ANGPT1: variants seen among roughly 807,000 people sequenced by gnomAD.
ANGPT1 encodes the protein angiopoietin-1.
ANGPT1 carries 17 observed loss-of-function variants against 62.2 expected under a neutral mutation model. The ratio of observed to expected loss-of-function variants is 0.27; its 90% CI spans 0.19 to 0.41. The LOEUF (loss-of-function observed/expected upper bound fraction) is 0.41. Among genes scored for constraint, ANGPT1 ranks in the 10% least tolerant of loss-of-function variants. The pLI, the probability that ANGPT1 is intolerant of heterozygous loss-of-function variation, is 1.00. For missense variants in ANGPT1, 478 were observed against 594.9 expected (o/e 0.80, Z 2.04); for synonymous variants, 199 against 198.9 (o/e 1.00, Z 0.00).
Position 107,430,465 on chromosome 8 carries a change from A to T in ANGPT1, c.297+66797T>A, listed in dbSNP as rs935549177. On this transcript the variant is annotated intron_variant, in intron 1 of 8. Coordinates refer to ENST00000517746, the MANE Select transcript of ANGPT1 (RefSeq NM_001146.5). ...AGTTCATACCTATTCACTCTTTCTC[A>T]CCTACAATTTAAACAAATATTTTTC... Among the ~76,000 whole-genome samples the T allele has an allele frequency of 2.0e-5, 3 of 152,124 alleles. No individual in the cohort carries two copies. In the East Asian group the frequency reaches 5.8e-4, roughly 29 times the overall value.
intron 8 of ANGPT1, among the ~76,000 whole-genome samples, chr8:107,257,992 T>C (rs1813410030): frequency 6.6e-6 from 1 of 151,310 alleles, no homozygotes; most frequent in African/African-American, 2.4e-5. Flanking sequence ...TCTTTTCCTT[T>C]CTCTTCTTTT....
intron 1 of ANGPT1, among the ~76,000 whole-genome samples, chr8:107,355,012 G>A (rs1263853468): frequency 6.6e-6 from 1 of 151,260 alleles, no homozygotes; most frequent in African/African-American, 2.4e-5. Context: ...TCGGGTTCAA[G>A]TGGTTTCCTG....
chr8:107,336,997 C>T (rs943530911), intron 2 of ANGPT1, among the ~76,000 whole-genome samples: 1 of 152,174 alleles, frequency 6.6e-6, no homozygotes, highest in African/African-American at 2.4e-5. Context: ...GCAAAATTCT[C>T]TTGACATAGT....
intron 4 of ANGPT1, among the ~76,000 whole-genome samples, chr8:107,320,998 T>C (rs1366587224): frequency 6.6e-6 from 1 of 152,132 alleles, no homozygotes; most frequent in East Asian, 1.9e-4. Flanking sequence ...AGTGGTATTC[T>C]CTTTCACTCA....
intron 1 of ANGPT1, among the ~76,000 whole-genome samples, chr8:107,408,689 T>C (rs554929310): frequency 6.6e-6 from 1 of 152,256 alleles, no homozygotes; most frequent in South Asian, 2.1e-4. Context: ...AAGCAAGCAG[T>C]GCAGATTTAG....
At chr8:107,442,242 A>G (rs1301804598) in intron 1 of ANGPT1, among the ~76,000 whole-genome samples, 2 of 152,214 alleles carry the variant, frequency 1.3e-5, no homozygotes, top group Non-Finnish European at 2.9e-5. Flanking sequence ...TGACATCACA[A>G]AATACTTCTA....
intron 1 of ANGPT1, among the ~76,000 whole-genome samples, chr8:107,347,507 A>G (rs1385374921): frequency 6.6e-6 from 1 of 152,140 alleles, no homozygotes; most frequent in Non-Finnish European, 1.5e-5. Context: ...TCACATACTA[A>G]TTTAAATCTA....
chr8:107,432,440 A>G (rs1369067695), intron 1 of ANGPT1, among the ~76,000 whole-genome samples: 2 of 152,264 alleles, frequency 1.3e-5, no homozygotes, highest in Admixed American at 6.5e-5. Flanking sequence ...CAAGGCAGGC[A>G]GATCACGAGG....
At position 107,319,139 on chromosome 8, in the gene ANGPT1, A is replaced by G. The variant is rs970403148; in HGVS notation, c.808+2757T>C. ...TAATGAATCAACTGTGTCTTCAGCA[A>G]TGGGATCTTCGCTTGTATATTGAGC... is the stretch of plus-strand genomic sequence containing the variant. On this transcript the variant is annotated intron_variant, in intron 4 of 8. Coordinates refer to ENST00000517746, the MANE Select transcript of ANGPT1 (RefSeq NM_001146.5). Among the ~76,000 whole-genome samples the G allele has an allele frequency of 2.0e-5, 3 of 152,312 alleles. No individual in the cohort carries two copies. The East Asian group carries it at 5.8e-4, about 29-fold the overall frequency.
At chr8:107,262,298 T>C (rs1181743878) in intron 8 of ANGPT1, among the ~76,000 whole-genome samples, 2 of 152,222 alleles carry the variant, frequency 1.3e-5, no homozygotes, top group East Asian at 3.8e-4. Flanking sequence ...TATTTGGTTT[T>C]AAAATTTGAA....
intron 1 of ANGPT1, among the ~76,000 whole-genome samples, chr8:107,474,283 T>C (rs1189293478): frequency 2.0e-5 from 3 of 151,988 alleles, no homozygotes; most frequent in Non-Finnish European, 2.9e-5. Flanking sequence ...GTTCAACATA[T>C]GCAAATCAAT....
chr8:107,333,991 AGGG>A (rs1389122747), intron 3 of ANGPT1, among the ~76,000 whole-genome samples: 1,092 of 105,598 alleles, frequency 0.01, 13 homozygotes, highest in Middle Eastern at 0.02. Context: ...GGAGGGAGGG[AGGG>A]AGGGAAGGAA....
chr8:107,384,327 A>T (rs1246058711), intron 1 of ANGPT1, among the ~76,000 whole-genome samples: 1 of 152,156 alleles, frequency 6.6e-6, no homozygotes, highest in Non-Finnish European at 1.5e-5. Flanking sequence ...GATTCTCAAT[A>T]ATATTCTATT....
At chr8:107,403,268 A>G (rs1259411879) in intron 1 of ANGPT1, among the ~76,000 whole-genome samples, 2 of 152,106 alleles carry the variant, frequency 1.3e-5, no homozygotes, top group Non-Finnish European at 2.9e-5. Flanking sequence ...AAGCATGTCT[A>G]TTTTTCATCA....
chr8:107,457,185 C>T (rs1296442423), intron 1 of ANGPT1, among the ~76,000 whole-genome samples: 1 of 152,044 alleles, frequency 6.6e-6, no homozygotes, highest in East Asian at 1.9e-4. Context: ...GGTGATTACA[C>T]ATTGATACAT....
chr8:107,348,321 A>G (rs555119646), intron 1 of ANGPT1, among the ~76,000 whole-genome samples: 2 of 152,356 alleles, frequency 1.3e-5, no homozygotes, highest in African/African-American at 2.4e-5. Context: ...TGTAATAAAT[A>G]TAGTCTAAAT....
intron 1 of ANGPT1, among the ~76,000 whole-genome samples, chr8:107,354,926 T>G (rs972701633): frequency 1.3e-5 from 2 of 151,844 alleles, no homozygotes; most frequent in Non-Finnish European, 2.9e-5. Flanking sequence ...CTTTTTTTTT[T>G]TTTTTTGAGA....
intron 1 of ANGPT1, among the ~76,000 whole-genome samples, chr8:107,362,883 A>G (rs1176096185): frequency 1.3e-5 from 2 of 152,170 alleles, no homozygotes; most frequent in African/African-American, 4.8e-5. Context: ...GGATTGGGCT[A>G]ATCCACACCA....
intron 7 of ANGPT1, among the ~76,000 whole-genome samples, chr8:107,282,428 A>G: frequency 2.9e-5 from 1 of 34,340 alleles, no homozygotes; most frequent in South Asian, 9.2e-4. Context: ...ATATGTATAT[A>G]TATGTGTGTA....
Sources: allele counts gnomAD v4.1 joint callset (sites outside exome capture counted in the v4.1 genomes callset), GRCh38; gene constraint gnomAD v4.1.1; transcripts MANE v1.5; gene names NCBI Gene and HGNC (gene_info 2026-07-23, HGNC 2026-07-21).